The following SCN9A variants were observed in gnomAD, a reference collection of about 807,000 sequenced individuals.
SCN9A encodes sodium voltage-gated channel alpha subunit 9.
SCN9A carries 131 observed loss-of-function variants against 187.0 expected under a neutral mutation model. The ratio of observed to expected loss-of-function variants is 0.70; its 90% confidence interval spans 0.61 to 0.81. The LOEUF (loss-of-function observed/expected upper bound fraction) is 0.81, where lower values mean the gene tolerates loss of function less well. SCN9A is among the 30% of genes least tolerant of loss of function. The pLI is 0.00. For synonymous variants in SCN9A, 809 were observed against 808.6 expected (o/e 1.00, Z -0.01); for missense variants, 2,252 against 2,396.6 (o/e 0.94, Z 1.26).
At chr2:166,251,537 T>G (rs1363064254) in intron 18 of SCN9A, among the ~76,000 whole-genome samples, 1 of 152,040 alleles carries the variant, frequency 6.6e-6, no homozygotes, top group African/African-American at 2.4e-5. Flanking sequence ...ATGCTTACAG[T>G]CTAACATACA....
At chr2:166,221,585 AAAG>A (rs1337432442) in intron 24 of SCN9A, among the ~76,000 whole-genome samples, 2 of 152,070 alleles carry the variant, frequency 1.3e-5, no homozygotes, top group Non-Finnish European at 2.9e-5. Flanking sequence ...ATATCTTCGT[AAAG>A]AAGGAGTCTA....
intron 1 of SCN9A, among the ~76,000 whole-genome samples, chr2:166,351,521 CAGTT>C (rs1339752522): frequency 6.6e-5 from 10 of 152,186 alleles, no homozygotes; most frequent in Non-Finnish European, 1.0e-4. Flanking sequence ...TCTAAAGTCA[CAGTT>C]AGCCATTAGG....
At position 166,303,311 on chromosome 2, in the gene SCN9A, G is replaced by A. The variant is rs1365377689; in HGVS notation, c.689-9C>T. Reference sequence around the variant, plus strand: ...TACAATTGTCTTCAGGCCTGAAAATGGGAGAAAAAAGTGTTTGTAATGACA... The same window carrying A: ...TACAATTGTCTTCAGGCCTGAAAATAGGAGAAAAAAGTGTTTGTAATGACA... On this transcript the variant is annotated splice_polypyrimidine_tract_variant and intron_variant, in intron 6 of 26. Coordinates refer to ENST00000642356, the MANE Select transcript of SCN9A (RefSeq NM_001365536.1). The A allele has an allele frequency of 1.2e-6, 2 of 1,603,856 alleles. No individual in the cohort carries two copies. Among genetic ancestry groups the A allele is most frequent in the East Asian group, 4.5e-5 (2 of 44,750 alleles).
rs867085948 is a variant in SCN9A at position 166,210,915 on chromosome 2, G to T, written c.4399-6451C>A. 4.6e-5 allele frequency among the ~76,000 whole-genome samples: 7 copies of T among 152,010 alleles called. No homozygotes were observed. The East Asian group carries it at 7.7e-4, about 17-fold the overall frequency. On this transcript the variant is annotated intron_variant, in intron 24 of 26. Coordinates refer to ENST00000642356, the MANE Select transcript of SCN9A (RefSeq NM_001365536.1). The stretch of plus-strand genomic sequence containing the variant: ...TCTCTACCAAAAATTACAAAAATCA[G>T]CTGGGTGTGGTGGTGGGTGCCTATA...
chr2:166,209,437 A>G (rs1412067484), intron 24 of SCN9A, among the ~76,000 whole-genome samples: 1 of 152,238 alleles, frequency 6.6e-6, no homozygotes, highest in Non-Finnish European at 1.5e-5. Flanking sequence ...AATCAGGAAG[A>G]TGATACATGA....
intron 1 of SCN9A, among the ~76,000 whole-genome samples, chr2:166,313,026 A>ATTATTTAATTTTCTGAATTAATATAG (rs1559036011): frequency 2.7e-5 from 3 of 111,188 alleles, no homozygotes; most frequent in East Asian, 2.3e-4. Flanking sequence ...TAATATAGTT[A>ATTATTTAATTTTCTGAATTAATATAG]TTATTTAATT....
rs1265916361 is a variant in SCN9A at position 166,293,208 on chromosome 2, T to G, written c.1107+23A>C. 3.2e-6 allele frequency: 5 copies of G among 1,566,360 alleles called. No individual in the cohort carries two copies. In the Admixed American group the frequency reaches 9.4e-5, roughly 29 times the overall value. On this transcript the variant is annotated intron_variant, in intron 9 of 26. Coordinates refer to ENST00000642356, the MANE Select transcript of SCN9A (RefSeq NM_001365536.1). ...GTACATATGCCATTCAAAAATACAA[T>G]GCATGTTTCTCTTGGTACTCACCTG...
intron 19 of SCN9A, among the ~76,000 whole-genome samples, chr2:166,241,236 C>T (rs1372602461): frequency 6.6e-6 from 1 of 152,094 alleles, no homozygotes; most frequent in African/African-American, 2.4e-5. Context: ...AGTGGTATAT[C>T]TAGCTAGATC....
intron 17 of SCN9A, among the ~76,000 whole-genome samples, chr2:166,255,325 T>C (rs1248169967): frequency 1.3e-5 from 2 of 151,580 alleles, no homozygotes; most frequent in African/African-American, 4.8e-5. Context: ...TGAAGCTGTG[T>C]TTTCTACTAT....
chr2:166,275,701 A>G (rs531746080), intron 16 of SCN9A, among the ~76,000 whole-genome samples: 30 of 152,206 alleles, frequency 2.0e-4, no homozygotes, highest in Non-Finnish European at 3.7e-4. Context: ...TTGTAAGGCT[A>G]TATAAAACTA....
At chr2:166,203,671 G>A (rs940433171) in intron 26 of SCN9A, among the ~76,000 whole-genome samples, 1 of 151,768 alleles carries the variant, frequency 6.6e-6, no homozygotes, top group Non-Finnish European at 1.5e-5. Flanking sequence ...ATATAAACAT[G>A]GTAACTAGTT....
chr2:166,228,320 G>A (rs1400296539), intron 22 of SCN9A, among the ~76,000 whole-genome samples: 3 of 137,198 alleles, frequency 2.2e-5, no homozygotes, highest in Admixed American at 1.6e-4. Flanking sequence ...GCAGTGGCAC[G>A]ATCTTGGCCC....
chr2:166,287,843 G>C (rs879500113), intron 10 of SCN9A, among the ~76,000 whole-genome samples: 1 of 151,368 alleles, frequency 6.6e-6, no homozygotes, highest in African/African-American at 2.4e-5. Flanking sequence ...CACTGTTTTA[G>C]TCATACCCCA....
At chr2:166,266,943 A>G (rs1337200657) in intron 17 of SCN9A, among the ~76,000 whole-genome samples, 3 of 151,890 alleles carry the variant, frequency 2.0e-5, no homozygotes, top group Non-Finnish European at 4.4e-5. Flanking sequence ...GAAATCTACT[A>G]CTTTTTTTCA....
At position 166,293,316 on chromosome 2, in the gene SCN9A, T is replaced by C. The variant is rs374280444; in HGVS notation, c.1022A>G (p.Tyr341Cys). The C allele has an allele frequency of 1.2e-6, 2 of 1,608,044 alleles. No homozygotes were observed. The highest frequency in any genetic ancestry group is 1.7e-6 in the Non-Finnish European group (2 of 1,176,972). Residue 341 changes from tyrosine (Y) to cysteine (C), a missense_variant, in exon 9 of 27, where the codon TAC becomes TGC. By Grantham distance (194) the Tyr-to-Cys change is radical (BLOSUM62 -2). This residue lies in a region of SCN9A where 1,013 missense variants were observed against 997.4 expected (regional missense o/e 1.02). Coordinates refer to ENST00000642356, the MANE Select transcript of SCN9A (RefSeq NM_001365536.1). ...VKIGRNPDYGYTSFDTFSWAF... is the reference protein window; with the variant it reads ...VKIGRNPDYGCTSFDTFSWAF... ...CCAGCTGAAAGTGTCAAAGCTCGTG[T>C]AGCCATAATCAGGGTTTCTGCCAAT...
chr2:166,326,526 G>A (rs191006637), intron 1 of SCN9A, among the ~76,000 whole-genome samples: 83 of 152,270 alleles, frequency 5.5e-4, no homozygotes, highest in Non-Finnish European at 2.1e-4. Context: ...TTCCAAGCCA[G>A]GATTTTGTGT....
intron 1 of SCN9A, among the ~76,000 whole-genome samples, chr2:166,341,576 T>C (rs183351491): frequency 6.6e-6 from 1 of 152,328 alleles, no homozygotes; most frequent in African/African-American, 2.4e-5. Context: ...TGGGTCTCTT[T>C]AAGACTCCAC....
intron 26 of SCN9A, among the ~76,000 whole-genome samples, chr2:166,200,706 G>A (rs1468329963): frequency 6.6e-6 from 1 of 152,052 alleles, no homozygotes; most frequent in East Asian, 1.9e-4. Flanking sequence ...TGTGATCTTG[G>A]CCTACTGCAA....
intron 1 of SCN9A, among the ~76,000 whole-genome samples, chr2:166,328,808 TAA>T (rs1410477744): frequency 6.6e-6 from 1 of 152,138 alleles, no homozygotes; most frequent in East Asian, 1.9e-4. Context: ...TAAAATGCAT[TAA>T]GTCCAATTTT....
Sources: allele counts gnomAD v4.1 joint callset (sites outside exome capture counted in the v4.1 genomes callset), GRCh38; gene constraint gnomAD v4.1.1; regional missense constraint gnomAD v4.1.1; transcripts MANE v1.5; gene names NCBI Gene and HGNC (gene_info 2026-07-23, HGNC 2026-07-21).